The following TFEC variants were observed in gnomAD, a reference collection of about 807,000 sequenced individuals.
The protein encoded by TFEC is transcription factor EC.
In TFEC, 31 loss-of-function variants were observed where a neutral mutation model predicts 41.6. The observed-to-expected ratio is 0.74, with a 90% CI of 0.56 to 1.01. The LOEUF (loss-of-function observed/expected upper bound fraction) is 1.01, where lower values mean the gene tolerates loss of function less well. TFEC is among the 50% of genes least tolerant of loss of function. The probability of loss-of-function intolerance (pLI) is 0.00; values close to 1 mark genes in which losing one functional copy is unlikely to be tolerated. For missense variants in TFEC, 402 were observed against 404.1 expected, an observed-to-expected ratio of 0.99 and a Z score of 0.04; for synonymous variants, 143 against 140.6, an observed-to-expected ratio of 1.02 and a Z score of -0.12.
At chr7:116,126,007 T>C (rs1798202026) in intron 1 of TFEC, among the ~76,000 whole-genome samples, 1 of 151,990 alleles carries the variant, frequency 6.6e-6, no homozygotes, top group Non-Finnish European at 1.5e-5. Flanking sequence ...AAACAGATCA[T>C]GAGAAAATGT....
At chr7:116,060,290 G>A (rs770098190) in intron 3 of TFEC, among the ~76,000 whole-genome samples, 15 of 152,072 alleles carry the variant, frequency 9.9e-5, no homozygotes, top group Non-Finnish European at 1.9e-4. Context: ...CAACCATTGC[G>A]GAAAGCAGTA....
intron 1 of TFEC, chr7:116,157,376 AAAAT>A (rs1399291202): frequency 6.7e-6 from 1 of 149,588 alleles, no homozygotes; most frequent in African/African-American, 2.5e-5. Context: ...TGTTCCAAAA[AAAAT>A]AAATAAGTAA....
intron 3 of TFEC, among the ~76,000 whole-genome samples, chr7:116,082,593 G>A (rs540693113): frequency 3.3e-5 from 5 of 151,842 alleles, no homozygotes; most frequent in African/African-American, 4.8e-5. Flanking sequence ...ACTGTTCATC[G>A]AGAAATGTAA....
In TFEC at chr7:116,027,677, T is replaced by C. The variant is rs150909170; in HGVS notation, c.-73+2956A>G. 4.1e-3 allele frequency among the ~76,000 whole-genome samples: 619 copies of C among 152,120 alleles called. 6 individuals carry two copies. Among genetic ancestry groups the C allele is most frequent in the African/African-American group, 0.014 (587 of 41,492 alleles). ...AAGGAAGCTGAGCATTGGAAACATG[T>C]TTGTGCAAGAAAGAATAAAGAAGGG... On this transcript the variant is annotated intron_variant, in intron 1 of 7. Coordinates refer to ENST00000265440, the MANE Select transcript of TFEC (RefSeq NM_012252.4).
intron 3 of TFEC, among the ~76,000 whole-genome samples, chr7:116,096,601 C>A (rs1797467571): frequency 1.3e-5 from 2 of 150,854 alleles, no homozygotes; most frequent in South Asian, 4.2e-4. Context: ...TTTTTTTTTC[C>A]ACTTGTATAT....
At chr7:116,055,893 T>C (rs1379269961) in intron 3 of TFEC, among the ~76,000 whole-genome samples, 1 of 152,126 alleles carries the variant, frequency 6.6e-6, no homozygotes, top group African/African-American at 2.4e-5. Flanking sequence ...CTCCTATTTG[T>C]GTATACTATA....
intron 2 of TFEC, among the ~76,000 whole-genome samples, chr7:115,980,828 T>C (rs1041343300): frequency 9.2e-5 from 14 of 151,870 alleles, no homozygotes; most frequent in Non-Finnish European, 1.9e-4. Context: ...CATAGTGCTG[T>C]TTAAAAAATT....
At chr7:116,045,839 C>T (rs946396318) in intron 3 of TFEC, among the ~76,000 whole-genome samples, 1 of 152,220 alleles carries the variant, frequency 6.6e-6, no homozygotes, top group African/African-American at 2.4e-5. Context: ...TGCAAAGCCA[C>T]AGGGGCGGAG....
At chr7:116,142,066 G>T (rs1009709593) in intron 1 of TFEC, among the ~76,000 whole-genome samples, 2 of 152,188 alleles carry the variant, frequency 1.3e-5, no homozygotes, top group Non-Finnish European at 2.9e-5. Flanking sequence ...AGAACACTGT[G>T]CCTTACTGTG....
chr7:115,976,336 A>G (rs1443187920), intron 2 of TFEC, among the ~76,000 whole-genome samples: 5 of 152,052 alleles, frequency 3.3e-5, no homozygotes, highest in African/African-American at 1.2e-4. Context: ...GAGGTGGGAG[A>G]ATCATGTGAA....
Position 116,052,923 on chromosome 7 carries a change from T to A in TFEC, c.198+57785A>T, listed in dbSNP as rs998959532. On this transcript the variant is annotated intron_variant, in intron 3 of 8. Coordinates refer to the TFEC transcript ENST00000484212. ...TCTCTACTAAAAAAATACAAAAAAA[T>A]TAGCTGGGCTTGGTGGCAGTCACCT... 4.0e-5 allele frequency among the ~76,000 whole-genome samples: 6 copies of A among 151,734 alleles called. No individual in the cohort carries two copies. In the East Asian group the frequency reaches 1.2e-3, roughly 30 times the overall value.
intron 1 of TFEC, among the ~76,000 whole-genome samples, chr7:116,147,027 C>A (rs922544571): frequency 6.6e-6 from 1 of 151,828 alleles, no homozygotes; most frequent in Non-Finnish European, 1.5e-5. Flanking sequence ...TTGTGAACTG[C>A]GAGACATATC....
chr7:116,038,062 C>A (rs540506669), intron 3 of TFEC, among the ~76,000 whole-genome samples: 1 of 152,092 alleles, frequency 6.6e-6, no homozygotes, highest in East Asian at 1.9e-4. Context: ...TGGGTAAAAT[C>A]AATCAAAAGA....
chr7:115,955,823 C>T (rs1177154479), intron 4 of TFEC, among the ~76,000 whole-genome samples: 2 of 151,754 alleles, frequency 1.3e-5, no homozygotes, highest in Non-Finnish European at 1.5e-5. Flanking sequence ...AAACTATAGT[C>T]ATTAATTTTA....
intron 1 of TFEC, among the ~76,000 whole-genome samples, chr7:115,992,140 G>C (rs1221981226): frequency 2.6e-5 from 4 of 152,156 alleles, no homozygotes; most frequent in Non-Finnish European, 5.9e-5. Context: ...CAGAAATAAA[G>C]ATGTTCTTTG....
intron 1 of TFEC, among the ~76,000 whole-genome samples, chr7:116,017,737 T>C (rs1436017452): frequency 6.6e-6 from 1 of 152,202 alleles, no homozygotes; most frequent in Non-Finnish European, 1.5e-5. Context: ...CTGCCTGGAA[T>C]GCTCTTTCTT....
chr7:116,083,602 C>T (rs898371972), intron 3 of TFEC, among the ~76,000 whole-genome samples: 1 of 151,848 alleles, frequency 6.6e-6, no homozygotes, highest in Non-Finnish European at 1.5e-5. Flanking sequence ...GTCAATAATT[C>T]AACTTTATTT....
At chr7:116,048,033 A>C (rs1473900848) in intron 3 of TFEC, among the ~76,000 whole-genome samples, 1 of 152,236 alleles carries the variant, frequency 6.6e-6, no homozygotes, top group Non-Finnish European at 1.5e-5. Flanking sequence ...AGATGGGGAG[A>C]AACCAGAGCA....
At chr7:116,047,940 A>C (rs900902033) in intron 3 of TFEC, among the ~76,000 whole-genome samples, 2 of 152,208 alleles carry the variant, frequency 1.3e-5, no homozygotes, top group African/African-American at 2.4e-5. Context: ...TAGAAGGAAA[A>C]ATAACAAACA....
Sources: allele counts gnomAD v4.1 joint callset (sites outside exome capture counted in the v4.1 genomes callset), GRCh38; gene constraint gnomAD v4.1.1; transcripts MANE v1.5; gene names NCBI Gene and HGNC (gene_info 2026-07-23, HGNC 2026-07-21).